The following ADK variants were observed in gnomAD, a reference collection of about 807,000 sequenced individuals.
The protein encoded by ADK is N6,N6-dimethyladenosine kinase.
Under a neutral mutation model 44.7 loss-of-function variants are expected in ADK, and 24 were observed. The ratio of observed to expected loss-of-function variants is 0.54; its 90% CI spans 0.39 to 0.76. The LOEUF (loss-of-function observed/expected upper bound fraction) is 0.76, where lower values mean the gene tolerates loss of function less well. Ranked by LOEUF, ADK falls within the 30% of genes least tolerant of loss-of-function variation. ADK has a pLI of 0.00. For missense variants in ADK, 321 were observed against 425.1 expected (o/e 0.76, Z 2.15); for synonymous variants, 128 against 142.6 (o/e 0.90, Z 0.73).
chr10:74,708,298 G>T, intron 10 of ADK, 23 bp from the exon 11 acceptor site: 1 of 1,584,558 alleles, frequency 6.3e-7, no homozygotes, highest in Non-Finnish European at 8.6e-7. Flanking sequence ...ATACTCATGT[G>T]TTTTTTTTTG....
chr10:74,393,349 A>G (rs2132041997), intron 4 of ADK, among the ~76,000 whole-genome samples: 1 of 152,274 alleles, frequency 6.6e-6, no homozygotes, highest in East Asian at 1.9e-4. Context: ...CTAATTATAA[A>G]AGGTAAAAAG....
At chr10:74,359,389 T>C (rs1842250856) in intron 4 of ADK, among the ~76,000 whole-genome samples, 2 of 152,166 alleles carry the variant, frequency 1.3e-5, no homozygotes, top group African/African-American at 2.4e-5. Flanking sequence ...TTGCATTTAA[T>C]CTGTAGCTCA....
chr10:74,203,173 C>T (rs1020031862), intron 2 of ADK, among the ~76,000 whole-genome samples: 1 of 152,120 alleles, frequency 6.6e-6, no homozygotes, highest in Non-Finnish European at 1.5e-5. Context: ...GTGTGGAAAT[C>T]CAATTGTCTC....
At chr10:74,517,033 G>T (rs1180661945) in intron 6 of ADK, 1 of 152,226 alleles carries the variant, frequency 6.6e-6, no homozygotes. Flanking sequence ...TCACTACCAC[G>T]AGAACAGCAT....
At chr10:74,186,825 A>G (rs1591823615) in intron 1 of ADK, among the ~76,000 whole-genome samples, 1 of 152,330 alleles carries the variant, frequency 6.6e-6, no homozygotes, top group East Asian at 1.9e-4. Context: ...TTGTGAAGTA[A>G]TATTCCATTA....
chr10:74,613,719 C>T (rs189244931), intron 9 of ADK, among the ~76,000 whole-genome samples: 37 of 152,074 alleles, frequency 2.4e-4, no homozygotes, highest in African/African-American at 8.9e-4. Flanking sequence ...TTCTGGTAGA[C>T]GTAAAGTTCA....
At chr10:74,303,973 A>G (rs1271760913) in intron 3 of ADK, among the ~76,000 whole-genome samples, 1 of 149,298 alleles carries the variant, frequency 6.7e-6, no homozygotes, top group South Asian at 2.1e-4. Flanking sequence ...CTTGTCTCAA[A>G]AAAAAAAAAA....
Position 74,692,721 on chromosome 10 carries a change from A to G in ADK, c.965-15600A>G, listed in dbSNP as rs116308140. ...GTACCTTTTCTATGTTTAGATATGTATAGATACATAGGTACTTAACATTTT... is the reference window on the plus strand; with the variant it reads ...GTACCTTTTCTATGTTTAGATATGTGTAGATACATAGGTACTTAACATTTT... On this transcript the variant is annotated intron_variant, in intron 10 of 10. Coordinates refer to ENST00000539909, the MANE Select transcript of ADK (RefSeq NM_006721.4). Among the ~76,000 whole-genome samples the G allele has an allele frequency of 8.6e-3, 1,315 of 152,326 alleles. 30 individuals carry two copies. Among genetic ancestry groups the G allele is most frequent in the African/African-American group, 0.03 (1,229 of 41,568 alleles).
intron 3 of ADK, among the ~76,000 whole-genome samples, chr10:74,280,575 A>G (rs1394139224): frequency 6.6e-6 from 1 of 152,190 alleles, no homozygotes; most frequent in African/African-American, 2.4e-5. Flanking sequence ...CCAGCTCTAA[A>G]TAAGTTTTAA....
chr10:74,669,212 CT>C (rs11313699), intron 9 of ADK, among the ~76,000 whole-genome samples: 2,664 of 152,166 alleles, frequency 0.018, 71 homozygotes, highest in African/African-American at 0.061. Flanking sequence ...TCTCTATGCT[CT>C]TTATTAATAC....
intron 6 of ADK, among the ~76,000 whole-genome samples, chr10:74,408,179 G>A (rs1844023584): frequency 6.8e-6 from 1 of 147,946 alleles, no homozygotes; most frequent in Admixed American, 6.7e-5. Flanking sequence ...TTTTAGTTGA[G>A]ATGAGGTTTC....
chr10:74,378,082 A>G (rs891565346), intron 4 of ADK, among the ~76,000 whole-genome samples: 21 of 150,438 alleles, frequency 1.4e-4, no homozygotes, highest in African/African-American at 2.0e-4. Context: ...TGAAATGGAG[A>G]TCATGTGTCT....
intron 3 of ADK, among the ~76,000 whole-genome samples, chr10:74,239,541 C>G (rs759092801): frequency 1.3e-5 from 2 of 151,644 alleles, no homozygotes; most frequent in Non-Finnish European, 2.9e-5. Flanking sequence ...TGAGAGCCCC[C>G]TCTCTACAAA....
At chr10:74,372,472 T>A in intron 4 of ADK, 1 of 378,518 alleles carries the variant, frequency 2.6e-6, no homozygotes, top group Non-Finnish European at 4.8e-6. Context: ...GGAAAATAAA[T>A]GTCAGTTTAA....
chr10:74,301,642 A>G (rs909329931), intron 3 of ADK, among the ~76,000 whole-genome samples: 6 of 152,018 alleles, frequency 3.9e-5, no homozygotes, highest in African/African-American at 1.4e-4. Flanking sequence ...TAATATTCCT[A>G]AATTTGTCAG....
chr10:74,547,440 ATATATATTTATT>A (rs1193101820), intron 7 of ADK, among the ~76,000 whole-genome samples: 2,466 of 135,772 alleles, frequency 0.018, 83 homozygotes, highest in African/African-American at 0.064. Context: ...TTATATATAT[ATATATATTTATT>A]TATTTATTTA....
At chr10:74,285,939 G>C (rs1419170446) in intron 3 of ADK, among the ~76,000 whole-genome samples, 3 of 152,036 alleles carry the variant, frequency 2.0e-5, no homozygotes, top group Non-Finnish European at 2.9e-5. Context: ...CTTTATTTCA[G>C]ATTGACATAT....
At chr10:74,603,204 G>A (rs570731152) in intron 9 of ADK, among the ~76,000 whole-genome samples, 1 of 152,124 alleles carries the variant, frequency 6.6e-6, no homozygotes, top group East Asian at 1.9e-4. Context: ...AATGGCACAA[G>A]GCAGTGCTAA....
intron 7 of ADK, among the ~76,000 whole-genome samples, chr10:74,579,412 T>G (rs2133888835): frequency 6.6e-6 from 1 of 152,248 alleles, no homozygotes; most frequent in East Asian, 1.9e-4. Flanking sequence ...ACACTGAACT[T>G]CTGCTGGATG....
Sources: allele counts gnomAD v4.1 joint callset (sites outside exome capture counted in the v4.1 genomes callset), GRCh38; gene constraint gnomAD v4.1.1; transcripts MANE v1.5; gene names NCBI Gene and HGNC (gene_info 2026-07-23, HGNC 2026-07-21).